The following KLF12 variants were observed in gnomAD, a reference collection of about 807,000 sequenced individuals.
The protein encoded by KLF12 is Krueppel-like factor 12.
A neutral mutation model predicts 37.8 loss-of-function variants in KLF12; 9 were observed. The ratio of observed to expected loss-of-function variants is 0.24; its 90% CI spans 0.14 to 0.42. KLF12 has a LOEUF of 0.42. Among genes scored for constraint, KLF12 ranks in the 10% least tolerant of loss-of-function variants. KLF12 has a pLI of 1.00. For synonymous variants in KLF12, 208 were observed against 202.1 expected (o/e 1.03, Z -0.25); for missense variants, 411 against 516.0 (o/e 0.80, Z 1.97).
chr13:74,288,018 G>A, the KLF12 span, among the ~76,000 whole-genome samples: 1 of 145,660 alleles, frequency 6.9e-6, no homozygotes, highest in Admixed American at 6.8e-5. Context: ...AAGCTGCCAA[G>A]GGGTTGCCAT....
At chr13:73,983,768 C>T (rs1037842402) in intron 2 of KLF12, among the ~76,000 whole-genome samples, 3 of 152,196 alleles carry the variant, frequency 2.0e-5, no homozygotes, top group Non-Finnish European at 4.4e-5. Context: ...TATAGACAGG[C>T]AGTCAAGATC....
intron 1 of KLF12, among the ~76,000 whole-genome samples, chr13:74,125,834 A>T (rs2139003053): frequency 6.6e-6 from 1 of 152,334 alleles, no homozygotes; most frequent in East Asian, 1.9e-4. Context: ...TTATTTGTAT[A>T]ATCCTTCCAC....
At chr13:74,032,357 C>T (rs917590224) in intron 1 of KLF12, among the ~76,000 whole-genome samples, 1 of 151,986 alleles carries the variant, frequency 6.6e-6, no homozygotes, top group Non-Finnish European at 1.5e-5. Context: ...TTTATGTAGC[C>T]GCATAAATGC....
intron 5 of KLF12, among the ~76,000 whole-genome samples, chr13:73,774,892 T>C (rs1401052161): frequency 6.6e-6 from 1 of 151,518 alleles, no homozygotes. Flanking sequence ...TGTGTGTGCA[T>C]ATATATGTAC....
the KLF12 span, among the ~76,000 whole-genome samples, chr13:74,165,242 T>C: frequency 1.3e-5 from 2 of 151,996 alleles, no homozygotes; most frequent in African/African-American, 4.8e-5. Flanking sequence ...TCAAGGAACC[T>C]GACTCTTTTC....
At chr13:74,088,024 C>G (rs533933652) in intron 1 of KLF12, among the ~76,000 whole-genome samples, 1 of 151,938 alleles carries the variant, frequency 6.6e-6, no homozygotes, top group Non-Finnish European at 1.5e-5. Context: ...TTCACAGGGA[C>G]GAGTGATTGG....
At chr13:73,765,925 G>C (rs1219454724) in intron 5 of KLF12, among the ~76,000 whole-genome samples, 1 of 152,182 alleles carries the variant, frequency 6.6e-6, no homozygotes, top group African/African-American at 2.4e-5. Flanking sequence ...AGTCCAGTTA[G>C]AACCAAGGTT....
At chr13:74,206,164 T>A in the KLF12 span, among the ~76,000 whole-genome samples, 4 of 152,146 alleles carry the variant, frequency 2.6e-5, no homozygotes, top group Non-Finnish European at 4.4e-5. Flanking sequence ...GAATGACTCA[T>A]CTGTTTTCAT....
chr13:73,790,008 C>A (rs1416229624), intron 5 of KLF12, among the ~76,000 whole-genome samples: 1 of 152,104 alleles, frequency 6.6e-6, no homozygotes, highest in African/African-American at 2.4e-5. Context: ...TTCCTCATCT[C>A]TGAGGTGGAA....
At chr13:74,015,052 T>C (rs560329083) in intron 1 of KLF12, among the ~76,000 whole-genome samples, 67 of 152,232 alleles carry the variant, frequency 4.4e-4, no homozygotes, top group African/African-American at 1.5e-3. Context: ...CACATTTATA[T>C]ATAATAAATT....
chr13:74,264,010 A>G, the KLF12 span, among the ~76,000 whole-genome samples: 3 of 152,294 alleles, frequency 2.0e-5, no homozygotes, highest in South Asian at 4.1e-4. Context: ...CTCAGGGAAA[A>G]GGAGGAAGTC....
rs11417813 is a variant in KLF12 at position 73,995,392 on chromosome 13, TA to T, written c.-31-340del. On this transcript the variant is annotated intron_variant, in intron 1 of 7. Coordinates refer to ENST00000377669, the MANE Select transcript of KLF12 (RefSeq NM_007249.5). Reference sequence around the variant, plus strand: ...GACAGCTGAGGAGAAAATGGCCAAGTAAAAAAAAGGTTTATAAGTAAATTTC... The same window carrying T: ...GACAGCTGAGGAGAAAATGGCCAAGTAAAAAAAGGTTTATAAGTAAATTTC... 5.9e-5 allele frequency among the ~76,000 whole-genome samples: 9 copies of T among 151,362 alleles called. No individual in the cohort carries two copies. The East Asian group carries it at 9.7e-4, about 16-fold the overall frequency.
intron 1 of KLF12, among the ~76,000 whole-genome samples, chr13:74,113,217 T>A (rs756400584): frequency 7.9e-5 from 12 of 152,196 alleles, no homozygotes; most frequent in Non-Finnish European, 1.3e-4. Context: ...ATGGGGAAGC[T>A]GCAACAAGTT....
At chr13:73,968,832 G>T (rs143678575) in intron 2 of KLF12, among the ~76,000 whole-genome samples, 3 of 151,990 alleles carry the variant, frequency 2.0e-5, no homozygotes, top group Non-Finnish European at 4.4e-5. Flanking sequence ...CCCTCGACAC[G>T]TTGATCCCTG....
At position 74,061,219 on chromosome 13, in the gene KLF12, G is replaced by A. The variant is rs142438104; in HGVS notation, c.-31-66166C>T. Among the ~76,000 whole-genome samples, 824 of 152,204 alleles carry A rather than the reference G, an allele frequency of 5.4e-3. 6 individuals are homozygous for A. Among genetic ancestry groups the A allele is most frequent in the African/African-American group, 0.019 (792 of 41,522 alleles). On this transcript the variant is annotated intron_variant, in intron 1 of 7. Transcript: ENST00000377669. Reference sequence around the variant, plus strand: ...CTTTAAGGTTAAGTTCTATCAATAAGGTCATCTTATAAATGAGGAAACTGA... The same window carrying A: ...CTTTAAGGTTAAGTTCTATCAATAAAGTCATCTTATAAATGAGGAAACTGA...
At chr13:74,164,339 A>G in the KLF12 span, among the ~76,000 whole-genome samples, 3 of 152,122 alleles carry the variant, frequency 2.0e-5, no homozygotes, top group Non-Finnish European at 4.4e-5. Context: ...TTATTTTTAA[A>G]TCCTTATATT....
intron 2 of KLF12, among the ~76,000 whole-genome samples, chr13:73,956,999 GGGAAAGGAAAGGAAAAGAAA>G (rs1216011359): frequency 5.4e-5 from 7 of 128,468 alleles, no homozygotes; most frequent in African/African-American, 1.8e-4. Context: ...AGGGAAAGGA[GGGAAAGGAAAGGAAAAGAAA>G]GGAAAGGAAA....
the KLF12 span, among the ~76,000 whole-genome samples, chr13:74,198,176 C>G: frequency 1.3e-5 from 2 of 151,974 alleles, no homozygotes; most frequent in Non-Finnish European, 2.9e-5. Flanking sequence ...GGAGAGTCTC[C>G]TGGTCAGAGA....
intron 3 of KLF12, among the ~76,000 whole-genome samples, chr13:73,930,628 T>C (rs1045159240): frequency 1.3e-5 from 2 of 152,170 alleles, no homozygotes; most frequent in Non-Finnish European, 2.9e-5. Context: ...TGATAAGACA[T>C]AGTATTTCTG....
Sources: gnomAD v4.1 joint callset for allele counts (sites outside exome capture counted in the v4.1 genomes callset) on GRCh38, gnomAD v4.1.1 for gene constraint, MANE v1.5 for transcripts, NCBI Gene and HGNC (gene_info 2026-07-23, HGNC 2026-07-21) for gene names.